Variants in AGBL3 observed in about 807,000 individuals in gnomAD.
AGBL3 encodes the protein AGBL carboxypeptidase 3, also known as cytosolic carboxypeptidase 3.
A neutral mutation model predicts 94.5 loss-of-function variants in AGBL3; 68 were observed. The ratio of observed to expected loss-of-function variants is 0.72; its 90% CI spans 0.59 to 0.88. The LOEUF is 0.88. Among genes scored for constraint, AGBL3 ranks in the 40% least tolerant of loss-of-function variants. AGBL3 has a pLI of 0.00. For missense variants in AGBL3, 934 were observed against 1,103.8 expected (o/e 0.85, Z 2.18); for synonymous variants, 354 against 370.7 (o/e 0.95, Z 0.52).
At chr7:135,036,290 AT>A (rs959984413) in intron 7 of AGBL3, among the ~76,000 whole-genome samples, 2 of 152,084 alleles carry the variant, frequency 1.3e-5, no homozygotes, top group Non-Finnish European at 2.9e-5. Context: ...TGAGGGACTT[AT>A]TTTTTGTTTT....
intron 12 of AGBL3, among the ~76,000 whole-genome samples, chr7:135,062,763 T>C (rs563758360): frequency 1.3e-5 from 2 of 152,220 alleles, no homozygotes; most frequent in Non-Finnish European, 2.9e-5. Flanking sequence ...ATTTGGTTTG[T>C]TAGTATTCTG....
At chr7:135,129,529 C>T in intron 16 of AGBL3, 1 of 772,324 alleles carries the variant, frequency 1.3e-6, no homozygotes, top group Non-Finnish European at 2.4e-6. Context: ...AACAAGATGA[C>T]ATGTACTGGC....
At chr7:135,025,914 G>T (rs890038208) in intron 5 of AGBL3, among the ~76,000 whole-genome samples, 1 of 32,720 alleles carries the variant, frequency 3.1e-5, no homozygotes, top group African/African-American at 5.7e-5. Context: ...CAACAATGGC[G>T]CATCGTTTCA....
intron 3 of AGBL3, among the ~76,000 whole-genome samples, chr7:134,991,453 G>A (rs1810263236): frequency 6.6e-6 from 1 of 151,934 alleles, no homozygotes; most frequent in East Asian, 1.9e-4. Context: ...TCTTGTATGT[G>A]TACATATTGT....
intron 12 of AGBL3, among the ~76,000 whole-genome samples, chr7:135,062,724 T>G (rs550315722): frequency 2.6e-5 from 4 of 152,250 alleles, no homozygotes; most frequent in Admixed American, 2.6e-4. Flanking sequence ...CACTTGATCA[T>G]GATGAATAAT....
chr7:135,006,130 T>G (rs1346861357), intron 4 of AGBL3, among the ~76,000 whole-genome samples: 2 of 151,920 alleles, frequency 1.3e-5, no homozygotes, highest in Non-Finnish European at 3.0e-5. Flanking sequence ...AAGACCCTGT[T>G]AAGCAGATGA....
At chr7:135,099,425 C>T (rs1823424724) in intron 15 of AGBL3, among the ~76,000 whole-genome samples, 2 of 151,702 alleles carry the variant, frequency 1.3e-5, no homozygotes, top group South Asian at 4.2e-4. Flanking sequence ...ATTAAACTAG[C>T]CATTAAATAT....
intron 4 of AGBL3, among the ~76,000 whole-genome samples, chr7:135,007,584 T>A (rs1250970817): frequency 6.6e-6 from 1 of 152,052 alleles, no homozygotes; most frequent in East Asian, 1.9e-4. Context: ...GACTAGATGC[T>A]TTCCCCATAA....
rs550246048 is a variant in AGBL3, at chr7:135,107,474, C to T, written c.2111-7906C>T. Among the ~76,000 whole-genome samples, 4 of 152,264 alleles carry T rather than the reference C, an allele frequency of 2.6e-5. No homozygotes were observed. In the East Asian group the frequency reaches 5.8e-4, roughly 22 times the overall value. On this transcript the variant is annotated intron_variant, in intron 15 of 16. Coordinates refer to ENST00000436302, the MANE Select transcript of AGBL3 (RefSeq NM_178563.4). ...TTCTGCCTTAACTTCATTATTTACC[C>T]GAAAGTCATTCAGGAGCATGTTGTT...
chr7:135,016,087 T>G (rs908403687), intron 4 of AGBL3, among the ~76,000 whole-genome samples: 1 of 150,980 alleles, frequency 6.6e-6, no homozygotes, highest in Non-Finnish European at 1.5e-5. Context: ...CCAAGGCAAA[T>G]AGCTGAAATT....
intron 12 of AGBL3, among the ~76,000 whole-genome samples, chr7:135,075,926 CTT>C (rs2116821406): frequency 6.6e-6 from 1 of 152,272 alleles, no homozygotes; most frequent in South Asian, 2.1e-4. Flanking sequence ...TCCCACTGGG[CTT>C]GTGTTGGCAT....
chr7:134,992,816 C>T (rs1810463078), intron 3 of AGBL3, among the ~76,000 whole-genome samples: 1 of 152,110 alleles, frequency 6.6e-6, no homozygotes, highest in African/African-American at 2.4e-5. Context: ...CGGCAAAAAG[C>T]CACATTTCAG....
chr7:135,066,057 T>C (rs910566956), intron 12 of AGBL3, among the ~76,000 whole-genome samples: 1 of 152,104 alleles, frequency 6.6e-6, no homozygotes, highest in Admixed American at 6.6e-5. Flanking sequence ...CACCATGACA[T>C]TGATCTTGAC....
chr7:135,105,192 C>T (rs1395254915), intron 15 of AGBL3, among the ~76,000 whole-genome samples: 3 of 151,692 alleles, frequency 2.0e-5, no homozygotes. Flanking sequence ...GCCTCAGCCT[C>T]CCCAGTCGCT....
intron 4 of AGBL3, among the ~76,000 whole-genome samples, chr7:135,005,488 A>T (rs1217178361): frequency 6.6e-6 from 1 of 151,764 alleles, no homozygotes; most frequent in Non-Finnish European, 1.5e-5. Context: ...GAAATATACC[A>T]TGTTCATGAT....
intron 13 of AGBL3, 76 bp from the exon 14 acceptor site, chr7:135,080,127 A>G (rs1254094524): frequency 8.7e-7 from 1 of 1,146,084 alleles, no homozygotes. Flanking sequence ...GCACAATACC[A>G]TAAATCATAT....
intron 2 of AGBL3, among the ~76,000 whole-genome samples, chr7:134,988,675 T>G (rs1809806761): frequency 6.6e-6 from 1 of 152,110 alleles, no homozygotes; most frequent in Non-Finnish European, 1.5e-5. Flanking sequence ...ATCGCTCTTG[T>G]TGCTCAAGCT....
At chr7:135,004,745 T>TC (rs111403644) in intron 4 of AGBL3, among the ~76,000 whole-genome samples, 8 of 151,394 alleles carry the variant, frequency 5.3e-5, no homozygotes, top group East Asian at 1.9e-4. Flanking sequence ...GAGATTTTTT[T>TC]CCTTTGTCCT....
intron 15 of AGBL3, among the ~76,000 whole-genome samples, chr7:135,083,830 T>G (rs1019743220): frequency 1.3e-5 from 2 of 152,214 alleles, no homozygotes; most frequent in Non-Finnish European, 2.9e-5. Flanking sequence ...AACAAAAGAA[T>G]TACCAAAAGA....
Sources: allele counts gnomAD v4.1 joint callset (sites outside exome capture counted in the v4.1 genomes callset), GRCh38; gene constraint gnomAD v4.1.1; transcripts MANE v1.5; gene names NCBI Gene and HGNC (gene_info 2026-07-23, HGNC 2026-07-21).